CAMK1D: variants seen among roughly 807,000 people sequenced by gnomAD.
CAMK1D encodes calcium/calmodulin-dependent protein kinase type 1D.
In CAMK1D, 9 loss-of-function variants were observed where a neutral mutation model predicts 47.7. The observed-to-expected ratio is 0.19, with a 90% CI of 0.11 to 0.33. The LOEUF is 0.33. Among genes scored for constraint, CAMK1D ranks in the 10% least tolerant of loss-of-function variants. The pLI, the probability that CAMK1D is intolerant of heterozygous loss-of-function variation, is 1.00. For missense variants in CAMK1D, 291 were observed against 488.7 expected, an observed-to-expected ratio of 0.60 and a Z score of 3.81; for synonymous variants, 184 against 184.9, an observed-to-expected ratio of 0.99 and a Z score of 0.04.
chr10:12,361,131 A>G (rs561668158), intron 1 of CAMK1D, among the ~76,000 whole-genome samples: 12 of 152,250 alleles, frequency 7.9e-5, no homozygotes, highest in East Asian at 1.9e-4. Context: ...GTGTGTTAGC[A>G]TGGTCAGTAA....
At chr10:12,503,668 G>C (rs1010249754) in intron 1 of CAMK1D, among the ~76,000 whole-genome samples, 3 of 152,194 alleles carry the variant, frequency 2.0e-5, no homozygotes, top group Non-Finnish European at 2.9e-5. Flanking sequence ...TTAACTGCAG[G>C]GATGACTGGC....
chr10:12,602,796 T>A (rs908331716), intron 2 of CAMK1D, among the ~76,000 whole-genome samples: 5 of 152,052 alleles, frequency 3.3e-5, no homozygotes, highest in Non-Finnish European at 5.9e-5. Context: ...CGCCTCTGTC[T>A]GTGTGGGAAG....
chr10:12,753,203 G>C (rs778271913), intron 3 of CAMK1D, among the ~76,000 whole-genome samples: 2 of 152,252 alleles, frequency 1.3e-5, no homozygotes, highest in African/African-American at 4.8e-5. Flanking sequence ...AGTGAGCAGA[G>C]ATCGTGCCAC....
intron 3 of CAMK1D, among the ~76,000 whole-genome samples, chr10:12,739,627 A>G (rs1835342964): frequency 6.6e-6 from 1 of 152,072 alleles, no homozygotes; most frequent in Non-Finnish European, 1.5e-5. Flanking sequence ...TTAGAAAAAA[A>G]AGATTGAGAG....
In CAMK1D at chr10:12,694,208, G is replaced by GCATAA. The variant is rs1833116737; in HGVS notation, c.299+27398_299+27399insCATAA. ...TAATATAATATATATTATATATTATGTATAATATAAAATATATATTATGTA... is the reference window on the plus strand; with the variant it reads ...TAATATAATATATATTATATATTATGCATAATATAATATAAAATATATATTATGTA... On this transcript the variant is annotated intron_variant, in intron 3 of 10. Coordinates refer to ENST00000619168, the MANE Select transcript of CAMK1D (RefSeq NM_153498.4). 1.1e-4 allele frequency among the ~76,000 whole-genome samples: 2 copies of GCATAA among 18,164 alleles called. 1 individual carries two copies. Among genetic ancestry groups the GCATAA allele is most frequent in the African/African-American group, 5.1e-4 (2 of 3,914 alleles). The allele number at this position is 18,164 out of a possible 152,430, so 11.9% of individuals were successfully genotyped here. A position where few individuals can be genotyped will look rare whatever the true frequency, so the allele number is the denominator to read the frequency against.
intron 8 of CAMK1D, among the ~76,000 whole-genome samples, chr10:12,823,313 A>G (rs542445097): frequency 6.6e-6 from 1 of 152,242 alleles, no homozygotes; most frequent in Admixed American, 6.5e-5. Context: ...TGCAAGATTC[A>G]TGAAACTCTT....
At chr10:12,651,663 A>G (rs867038465) in intron 2 of CAMK1D, among the ~76,000 whole-genome samples, 1 of 152,156 alleles carries the variant, frequency 6.6e-6, no homozygotes, top group African/African-American at 2.4e-5. Context: ...TGGCCTCGCA[A>G]AGTACTGGGA....
chr10:12,406,269 C>T (rs1247581174), intron 1 of CAMK1D, among the ~76,000 whole-genome samples: 1 of 152,162 alleles, frequency 6.6e-6, no homozygotes, highest in Non-Finnish European at 1.5e-5. Context: ...CCTGGGGAAA[C>T]AGCTCCCTCC....
intron 1 of CAMK1D, among the ~76,000 whole-genome samples, chr10:12,531,968 T>G (rs1225524822): frequency 1.3e-5 from 2 of 152,242 alleles, no homozygotes; most frequent in African/African-American, 4.8e-5. Context: ...TCTCTCATAG[T>G]AAATTTCTAA....
At chr10:12,618,589 T>C (rs903346261) in intron 2 of CAMK1D, among the ~76,000 whole-genome samples, 2 of 152,180 alleles carry the variant, frequency 1.3e-5, no homozygotes, top group Non-Finnish European at 2.9e-5. Flanking sequence ...TACAGTTACT[T>C]TTCATTTAAG....
chr10:12,421,301 A>AAAGCGC (rs1840040126), intron 1 of CAMK1D, among the ~76,000 whole-genome samples: 1 of 152,104 alleles, frequency 6.6e-6, no homozygotes, highest in African/African-American at 2.4e-5. Context: ...TCTAGTTTCT[A>AAAGCGC]CGGTTAATAC....
chr10:12,571,543 T>C (rs1564419942), intron 2 of CAMK1D, among the ~76,000 whole-genome samples: 1 of 152,052 alleles, frequency 6.6e-6, no homozygotes. Flanking sequence ...GCATGGAAGC[T>C]GGATCCCCCG....
At chr10:12,410,461 C>T (rs545758030) in intron 1 of CAMK1D, among the ~76,000 whole-genome samples, 3 of 152,302 alleles carry the variant, frequency 2.0e-5, no homozygotes, top group South Asian at 4.1e-4. Flanking sequence ...AAGCTAGCCT[C>T]GGCCCTCCAT....
Position 12,832,669 on chromosome 10 carries a change from A to G in CAMK1D, c.*3782A>G, listed in dbSNP as rs1833438888. The G allele has an allele frequency of 6.6e-6, 1 of 152,266 alleles. No homozygotes were observed. Among genetic ancestry groups the G allele is most frequent in the African/African-American group, 2.4e-5 (1 of 41,476 alleles). 9.4% of individuals were successfully genotyped at this position (152,266 alleles called of 1,614,324 possible). ...TGGCTTTGCGTTCTTGACCATGGCC[A>G]CAATTCTGGTCACTTCTAGCATCTG... On this transcript the variant is annotated 3_prime_UTR_variant, in exon 11 of 11. Transcript: ENST00000619168.
chr10:12,825,770 C>T (rs763782950), intron 10 of CAMK1D, 80 bp downstream of exon 10: 1 of 1,598,050 alleles, frequency 6.3e-7, no homozygotes, highest in Non-Finnish European at 8.5e-7. Context: ...CCGGCATCTG[C>T]CGAGCACCTC....
At chr10:12,353,907 C>T (rs183340695) in intron 1 of CAMK1D, among the ~76,000 whole-genome samples, 3 of 152,120 alleles carry the variant, frequency 2.0e-5, no homozygotes, top group African/African-American at 7.2e-5. Context: ...TCGTAGCTAT[C>T]TTTCAGTGAC....
chr10:12,764,834 G>A (rs148488731), intron 4 of CAMK1D, among the ~76,000 whole-genome samples: 224 of 152,302 alleles, frequency 1.5e-3, no homozygotes, highest in African/African-American at 5.0e-3. Context: ...GGTGGCTCAT[G>A]CCTGTAATCC....
intron 6 of CAMK1D, among the ~76,000 whole-genome samples, chr10:12,801,564 C>G (rs1372514077): frequency 6.6e-6 from 1 of 151,696 alleles, no homozygotes; most frequent in Non-Finnish European, 1.5e-5. Flanking sequence ...CATCCATTCA[C>G]CAATCCATTC....
chr10:12,580,036 C>T (rs1386355788), intron 2 of CAMK1D, among the ~76,000 whole-genome samples: 3 of 152,154 alleles, frequency 2.0e-5, no homozygotes, highest in Admixed American at 1.3e-4. Context: ...TCCACTGGGG[C>T]GTTTTTCCTT....
Sources: allele counts gnomAD v4.1 joint callset (sites outside exome capture counted in the v4.1 genomes callset), GRCh38; gene constraint gnomAD v4.1.1; transcripts MANE v1.5; gene names NCBI Gene and HGNC (gene_info 2026-07-23, HGNC 2026-07-21).